Variants in LDHC observed in about 807,000 individuals in gnomAD.
LDHC encodes the protein L-lactate dehydrogenase C chain.
Under a neutral mutation model 30.2 loss-of-function variants are expected in LDHC, and 20 were observed. The ratio of observed to expected loss-of-function variants is 0.66; its 90% CI spans 0.47 to 0.96. The LOEUF (loss-of-function observed/expected upper bound fraction) is 0.96. Among genes scored for constraint, LDHC ranks in the 40% least tolerant of loss-of-function variants. LDHC has a pLI of 0.00. For missense variants in LDHC, 362 were observed against 394.9 expected (o/e 0.92, Z 0.71); for synonymous variants, 139 against 132.7 (o/e 1.05, Z -0.32).
At chr11:18,445,933 C>A (rs1848545880) in intron 6 of LDHC, among the ~76,000 whole-genome samples, 1 of 152,150 alleles carries the variant, frequency 6.6e-6, no homozygotes, top group Non-Finnish European at 1.5e-5. Context: ...CATGATCACA[C>A]ACAACTGCCC....
chr11:18,414,805 C>T lies in LDHC; in HGVS notation c.127-379C>T, dbSNP rs144140402. Among the ~76,000 whole-genome samples, 1,179 of 152,018 alleles carry T rather than the reference C, an allele frequency of 7.8e-3. 37 individuals carry two copies. Among genetic ancestry groups the T allele is most frequent in the East Asian group, 0.069 (359 of 5,174 alleles). On this transcript the variant is annotated intron_variant, in intron 2 of 7. Transcript: ENST00000541669. The stretch of plus-strand genomic sequence containing the variant: ...TTGTGCCACTGCACTCCAGCCTGGG[C>T]GACAGAGTGAGACTTCATCTCAAAC...
intron 4 of LDHC, among the ~76,000 whole-genome samples, chr11:18,430,182 T>C (rs1258550332): frequency 2.0e-5 from 3 of 152,212 alleles, no homozygotes; most frequent in Non-Finnish European, 2.9e-5. Context: ...GAATTTTATA[T>C]GAATGAAATC....
chr11:18,418,664 C>A (rs187153588), intron 3 of LDHC, among the ~76,000 whole-genome samples: 1 of 151,824 alleles, frequency 6.6e-6, no homozygotes, highest in Admixed American at 6.6e-5. Flanking sequence ...TGACCTCAAG[C>A]GATCCACCTG....
chr11:18,442,934 G>A (rs150808021), intron 6 of LDHC, among the ~76,000 whole-genome samples: 1,593 of 151,988 alleles, frequency 0.01, 31 homozygotes, highest in African/African-American at 0.036. Context: ...AAGCCACCAC[G>A]CAGTTTTTAT....
At chr11:18,416,986 C>T (rs189581664) in intron 3 of LDHC, among the ~76,000 whole-genome samples, 2 of 152,214 alleles carry the variant, frequency 1.3e-5, no homozygotes, top group Admixed American at 6.5e-5. Context: ...GAGGTTCAAA[C>T]GATTCTCCTG....
chr11:18,415,746 G>T (rs1198354241), intron 3 of LDHC, among the ~76,000 whole-genome samples: 2 of 151,996 alleles, frequency 1.3e-5, no homozygotes, highest in African/African-American at 2.4e-5. Context: ...AGGCTGGAGT[G>T]CAGTGGCACA....
rs371781580 is a variant in LDHC, at chr11:18,421,966, C to A, written c.244+6665C>A. Among the ~76,000 whole-genome samples, 240 of 150,590 alleles carry A rather than the reference C, an allele frequency of 1.6e-3. 4 individuals are homozygous for A. Among genetic ancestry groups the A allele is most frequent in the African/African-American group, 5.8e-3 (235 of 40,694 alleles). On this transcript the variant is annotated intron_variant, in intron 3 of 7. Coordinates refer to ENST00000541669, the MANE Select transcript of LDHC (RefSeq NM_017448.5). ...TGGTGAAACCCTGTCTCTACTAAAACTACAAAAATTAGCTGCATGTGGTGG... is the reference window on the plus strand; with the variant it reads ...TGGTGAAACCCTGTCTCTACTAAAAATACAAAAATTAGCTGCATGTGGTGG...
At chr11:18,430,625 G>A (rs2134059193) in intron 4 of LDHC, among the ~76,000 whole-genome samples, 1 of 152,138 alleles carries the variant, frequency 6.6e-6, no homozygotes, top group South Asian at 2.1e-4. Context: ...GCCTCCTAAA[G>A]TGCTGGGATT....
chr11:18,418,930 G>C (rs998641622), intron 3 of LDHC, among the ~76,000 whole-genome samples: 1 of 152,176 alleles, frequency 6.6e-6, no homozygotes, highest in Non-Finnish European at 1.5e-5. Flanking sequence ...GAGAAAACCA[G>C]AGAGTTAAGC....
rs753045145 is a variant in LDHC, at chr11:18,438,645, G to A, written c.710G>A (p.Ser237Asn). ...WKNIHKQVIQSAYEIIKLKGY... is the reference protein window; with the variant it reads ...WKNIHKQVIQNAYEIIKLKGY... ...AATATCCATAAACAAGTTATTCAAA[G>A]GTAATAGTACCTATTCAGTTTCTTA... Residue 237 changes from serine to asparagine, a missense_variant and splice_region_variant, in exon 6 of 8, where the codon AGT becomes AAT. Ser to Asn is a conservative substitution (Grantham distance 46). Coordinates refer to ENST00000541669, the MANE Select transcript of LDHC (RefSeq NM_017448.5). The A allele has an allele frequency of 6.7e-7, 1 of 1,484,930 alleles. No homozygotes were observed. Among genetic ancestry groups the A allele is most frequent in the South Asian group, 1.1e-5 (1 of 88,308 alleles). 92.0% of individuals were successfully genotyped at this position (1,484,930 alleles called of 1,614,324 possible).
At chr11:18,435,446 C>T (rs1024716990) in intron 5 of LDHC, among the ~76,000 whole-genome samples, 1 of 151,804 alleles carries the variant, frequency 6.6e-6, no homozygotes, top group Non-Finnish European at 1.5e-5. Flanking sequence ...ATAAGACTCT[C>T]CTGCTTCCCC....
intron 3 of LDHC, among the ~76,000 whole-genome samples, chr11:18,427,185 G>T (rs1360435876): frequency 2.0e-5 from 3 of 151,932 alleles, no homozygotes; most frequent in Non-Finnish European, 1.5e-5. Flanking sequence ...GTGAAACCCC[G>T]TCTCTACTAA....
chr11:18,430,061 C>A, intron 4 of LDHC, 151 bp downstream of exon 4: 1 of 473,240 alleles, frequency 2.1e-6, no homozygotes, highest in Admixed American at 3.8e-5. Flanking sequence ...AATGTAATCA[C>A]TCATGAAACT....
intron 2 of LDHC, 138 bp downstream of exon 2, chr11:18,412,981 CCCTCCCTTCCTT>C (rs1423024959): frequency 1.2e-4 from 44 of 352,524 alleles, no homozygotes; most frequent in African/African-American, 7.9e-4. Context: ...CTCCCTCCCT[CCCTCCCTTCCTT>C]CCTTCCTTCC....
intron 3 of LDHC, among the ~76,000 whole-genome samples, chr11:18,418,821 ACTC>A (rs950930221): frequency 1.3e-5 from 2 of 151,780 alleles, no homozygotes; most frequent in Non-Finnish European, 2.9e-5. Context: ...AAATGAGAAA[ACTC>A]CTGCATAAAA....
Position 18,437,620 on chromosome 11 carries a change from T to C in LDHC, c.593-908T>C, listed in dbSNP as rs1055796563. Among the ~76,000 whole-genome samples the C allele has an allele frequency of 4.6e-5, 7 of 151,836 alleles. No individual in the cohort carries two copies. In the East Asian group the frequency reaches 5.8e-4, roughly 13 times the overall value. On this transcript the variant is annotated intron_variant, in intron 5 of 7. Transcript: ENST00000541669. ...ACAAAAAATTAGCCAGGCGTGGTGG[T>C]GGGCACCTGTAGTCCCAGTGACTCG...
At chr11:18,429,665 G>T (rs2134058238) in intron 3 of LDHC, 72 bp from the exon 4 acceptor site, 2 of 789,374 alleles carry the variant, frequency 2.5e-6, no homozygotes, top group East Asian at 2.6e-5. Context: ...ACATACAATA[G>T]AGTTTTAAGG....
intron 7 of LDHC, among the ~76,000 whole-genome samples, chr11:18,447,300 A>AT (rs1014956510): frequency 3.3e-5 from 5 of 151,524 alleles, no homozygotes; most frequent in Non-Finnish European, 7.4e-5. Context: ...CACCCGGCTA[A>AT]TTTTTTTTGT....
At chr11:18,423,989 C>G (rs1164943257) in intron 3 of LDHC, among the ~76,000 whole-genome samples, 1 of 137,422 alleles carries the variant, frequency 7.3e-6, no homozygotes, top group Non-Finnish European at 1.6e-5. Flanking sequence ...TACCATTACA[C>G]ACCCACTAGA....
Sources: allele counts gnomAD v4.1 joint callset (sites outside exome capture counted in the v4.1 genomes callset), GRCh38; gene constraint gnomAD v4.1.1; transcripts MANE v1.5; gene names NCBI Gene and HGNC (gene_info 2026-07-23, HGNC 2026-07-21).